Variants in GREB1 observed in about 807,000 individuals in gnomAD.
GREB1 encodes growth regulating estrogen receptor binding 1.
Under a neutral mutation model 200.7 loss-of-function variants are expected in GREB1, and 106 were observed. That is an observed-to-expected ratio of 0.53 (90% CI 0.45 to 0.62). The LOEUF (loss-of-function observed/expected upper bound fraction) is 0.62, where lower values mean the gene tolerates loss of function less well. GREB1 is among the 20% of genes least tolerant of loss of function. The pLI, the probability that GREB1 is intolerant of heterozygous loss-of-function variation, is 0.00. For missense variants in GREB1, 2,243 were observed against 2,556.8 expected, an observed-to-expected ratio of 0.88 and a Z score of 2.65; for synonymous variants, 1,132 against 1,092.4, an observed-to-expected ratio of 1.04 and a Z score of -0.72.
chr2:11,638,333 G>T (rs1319953080), intron 31 of GREB1, among the ~76,000 whole-genome samples: 1 of 152,100 alleles, frequency 6.6e-6, no homozygotes, highest in East Asian at 1.9e-4. Flanking sequence ...TAGAGACAGG[G>T]TTTCACTATG....
rs1339855661 is a variant in GREB1, at chr2:11,633,661, A to C, written c.4992-470A>C. 6.6e-6 allele frequency among the ~76,000 whole-genome samples: 1 copy of C among 152,188 alleles called. No individual in the cohort carries two copies. The highest frequency in any genetic ancestry group is 1.5e-5 in the Non-Finnish European group (1 of 68,024). On this transcript the variant is annotated intron_variant, in intron 28 of 32. Coordinates refer to ENST00000381486, the MANE Select transcript of GREB1 (RefSeq NM_014668.4). This position sits in a 1 kb window ranked among gnomAD's most constrained non-coding sequence, Gnocchi z 4.1. ...ATATATAGACAAAAAAGAAAGTATA[A>C]TACATATACAGAACTTTTCCCAAGC...
At position 11,602,429 on chromosome 2, in the gene GREB1, TAAG is replaced by T. The variant is rs1380234932; in HGVS notation, c.2557_2559del (p.Lys853del). On this transcript the variant is annotated inframe_deletion, in exon 17 of 33. Transcript: ENST00000381486. ...AGGGAGTGGACTTATATCATGAAAA[TAAG>T]AAGTACTTCGGGCTGTCGGAGTTTA... 6.2e-7 allele frequency: 1 copy of T among 1,613,522 alleles called. No homozygotes were observed. The highest frequency in any genetic ancestry group is 8.5e-7 in the Non-Finnish European group (1 of 1,179,432).
At chr2:11,636,791 TGGGCAG>T (rs70955813) in intron 30 of GREB1, among the ~76,000 whole-genome samples, 33,074 of 88,938 alleles carry the variant, frequency 0.37, 4,000 homozygotes, top group East Asian at 0.51. Flanking sequence ...GGCACGGGCA[TGGGCAG>T]GGGCAGAGGC....
chr2:11,609,293 C>T (rs1222233092), intron 17 of GREB1, among the ~76,000 whole-genome samples: 1 of 118,278 alleles, frequency 8.5e-6, no homozygotes, highest in Admixed American at 8.5e-5. Context: ...GAGATGGAGT[C>T]TCGCTCTGTG....
At chr2:11,637,964 C>T in intron 31 of GREB1, 48 bp downstream of exon 31, 1 of 1,496,572 alleles carries the variant, frequency 6.7e-7, no homozygotes, top group Non-Finnish European at 9.3e-7. Context: ...AGAGAAATCT[C>T]TAGAACCAAT....
At position 11,620,931 on chromosome 2, in the gene GREB1, G is replaced by T. The variant is rs1683958708; in HGVS notation, c.4071G>T (p.Gln1357His). 1 of 1,612,126 alleles carries T rather than the reference G, an allele frequency of 6.2e-7. No homozygotes were observed. Among genetic ancestry groups the T allele is most frequent in the African/African-American group, 1.3e-5 (1 of 74,904 alleles). Residue 1357 changes from glutamine to histidine, a missense_variant, in exon 23 of 33, where the codon CAG becomes CAT. Physicochemically the swap from Gln to His is conservative, Grantham distance 24. This residue lies in a region of GREB1 where 587 missense variants were observed against 553.1 expected (regional missense o/e 1.06). Coordinates refer to ENST00000381486, the MANE Select transcript of GREB1 (RefSeq NM_014668.4). ...TCGGGAAGACAGGTGCCTACCTGCA[G>T]TTCCTCAGTGTCCTGTCCAGGATGC... ...PQIGKTGAYL[Q>H]FLSVLSRMLV...
chr2:11,484,155 C>T (rs2148390020), intron 1 of GREB1, among the ~76,000 whole-genome samples: 1 of 152,312 alleles, frequency 6.6e-6, no homozygotes, highest in South Asian at 2.1e-4. Flanking sequence ...TCTCGATCCT[C>T]TTAGGATTTC....
chr2:11,634,034 A>T, intron 28 of GREB1, 97 bp from the exon 29 acceptor site: 1 of 1,151,180 alleles, frequency 8.7e-7, no homozygotes, highest in East Asian at 2.3e-5. Flanking sequence ...CCAGGTGTTC[A>T]CGGCAGTCTG....
chr2:11,577,410 C>G (rs1678985238), intron 5 of GREB1, among the ~76,000 whole-genome samples: 1 of 152,202 alleles, frequency 6.6e-6, no homozygotes. Context: ...GCCCCTGAAC[C>G]CTAAACTATG....
Position 11,578,327 on chromosome 2 carries a change from C to A in GREB1, c.668C>A (p.Thr223Asn). 6.2e-7 allele frequency: 1 copy of A among 1,614,122 alleles called. No homozygotes were observed. Among genetic ancestry groups the A allele is most frequent in the South Asian group, 1.1e-5 (1 of 91,080 alleles). ...AGAAGCCGGCAGATCCCCGCCAGTA[C>A]TTGTTCCAGTTCCCTCTTCCCAGCC... ...EFRSRQIPAS[T>N]CSSSLFPALE... The change falls in exon 6 of 33, where the codon ACT (threonine) becomes AAT (asparagine). Residue 223 changes from threonine to asparagine, a missense_variant. By Grantham distance (65) the Thr-to-Asn change is moderately conservative (BLOSUM62 0). Around this residue, in one of 3 missense-constraint regions of GREB1, gnomAD observed 1,178 missense variants for 1,387.4 expected, o/e 0.85. Transcript: ENST00000381486.
At position 11,586,003 on chromosome 2, in the gene GREB1, G is replaced by A. The variant is rs1462214192; in HGVS notation, c.1159+98G>A. Reference sequence around the variant, plus strand: ...AGACCTCATCCCGGTCTGACTCCAAGGGTATCCTCCTGAGACAAACCTAAA... The same window carrying A: ...AGACCTCATCCCGGTCTGACTCCAAAGGTATCCTCCTGAGACAAACCTAAA... On this transcript the variant is annotated intron_variant, in intron 9 of 32. Transcript: ENST00000381486. 1.4e-5 allele frequency: 18 copies of A among 1,296,786 alleles called. No homozygotes were observed. In the Admixed American group the frequency reaches 3.2e-4, roughly 23 times the overall value. 80.3% of individuals were successfully genotyped at this position (1,296,786 alleles called of 1,614,324 possible). A position where few individuals can be genotyped will look rare whatever the true frequency, so the allele number is the denominator to read the frequency against.
At chr2:11,632,185 C>A (rs1684928794) in intron 27 of GREB1, 72 bp downstream of exon 27, 1 of 1,110,766 alleles carries the variant, frequency 9.0e-7, no homozygotes. Flanking sequence ...GTTCTAGAGA[C>A]AAAAGTTAAA....
intron 1 of GREB1, among the ~76,000 whole-genome samples, chr2:11,552,008 C>T (rs888136207): frequency 2.0e-5 from 3 of 152,238 alleles, no homozygotes; most frequent in South Asian, 2.1e-4. Context: ...GACTATACTC[C>T]GTCTCTCTTA....
chr2:11,579,332 T>C (rs771580855), intron 6 of GREB1, among the ~76,000 whole-genome samples: 1 of 152,258 alleles, frequency 6.6e-6, no homozygotes, highest in Non-Finnish European at 1.5e-5. Flanking sequence ...CCAGTGCTGC[T>C]ACCTTTTAGC....
chr2:11,586,042 C>A, intron 9 of GREB1, 137 bp downstream of exon 9: 1 of 845,998 alleles, frequency 1.2e-6, no homozygotes, highest in Non-Finnish European at 1.9e-6. Flanking sequence ...CTTTCCAGGG[C>A]AAGGAAAGAA....
intron 1 of GREB1, among the ~76,000 whole-genome samples, chr2:11,552,192 T>C (rs1675921880): frequency 6.6e-6 from 1 of 152,228 alleles, no homozygotes; most frequent in South Asian, 2.1e-4. Context: ...ACTGCCCTGA[T>C]GGGCACTGCT....
intron 17 of GREB1, among the ~76,000 whole-genome samples, chr2:11,607,671 CAAGAT>C (rs1319015987): frequency 2.3e-5 from 3 of 128,684 alleles, no homozygotes; most frequent in African/African-American, 9.2e-5. Context: ...AGTTTTATGA[CAAGAT>C]TCCTAAGAGA....
intron 17 of GREB1, among the ~76,000 whole-genome samples, chr2:11,605,520 G>A (rs561460346): frequency 8.5e-5 from 13 of 152,212 alleles, no homozygotes; most frequent in Admixed American, 2.6e-4. Flanking sequence ...CACCGTGCCC[G>A]GCTGTGCATA....
intron 23 of GREB1, among the ~76,000 whole-genome samples, chr2:11,623,041 G>A (rs1306580334): frequency 6.6e-6 from 1 of 152,236 alleles, no homozygotes; most frequent in Non-Finnish European, 1.5e-5. Context: ...TCCACTCCAA[G>A]CATCATCCTT....
Sources: gnomAD v4.1 joint callset for allele counts (sites outside exome capture counted in the v4.1 genomes callset) on GRCh38, gnomAD v4.1.1 for gene constraint, gnomAD v4.1.1 regional missense constraint, Gnocchi (gnomAD v3.1) non-coding constraint, MANE v1.5 for transcripts, NCBI Gene and HGNC (gene_info 2026-07-23, HGNC 2026-07-21) for gene names.